The following RBBP8 variants were observed in gnomAD, a reference collection of about 807,000 sequenced individuals.
The protein encoded by RBBP8 is DNA endonuclease RBBP8.
A neutral mutation model predicts 108.3 loss-of-function variants in RBBP8; 88 were observed. That is an observed-to-expected ratio of 0.81 (90% CI 0.68 to 0.97). The LOEUF is 0.97. RBBP8 is among the 50% of genes least tolerant of loss of function. The pLI, the probability that RBBP8 is intolerant of heterozygous loss-of-function variation, is 0.00. For synonymous variants in RBBP8, 332 were observed against 348.2 expected (o/e 0.95, Z 0.52); for missense variants, 1,023 against 1,049.0 (o/e 0.98, Z 0.34).
intron 16 of RBBP8, among the ~76,000 whole-genome samples, chr18:23,006,979 C>G (rs902062933): frequency 4.0e-5 from 6 of 150,818 alleles, no homozygotes; most frequent in Non-Finnish European, 8.9e-5. Flanking sequence ...GTTATTTTCT[C>G]TGCTTTTGTG....
At position 23,022,922 on chromosome 18, in the gene RBBP8, A is replaced by G. The variant is rs115194875; in HGVS notation, c.2596+652A>G. ...TCATCAAAATGATTTTTTTTTTTAT[A>G]GGGCTTCACTCTGTCACCCAGGCTG... is the stretch of plus-strand genomic sequence containing the variant. On this transcript the variant is annotated intron_variant, in intron 18 of 18. Transcript: ENST00000327155. Among the ~76,000 whole-genome samples the G allele has an allele frequency of 6.1e-3, 895 of 146,068 alleles. 10 individuals carry two copies. The highest frequency in any genetic ancestry group is 0.029 in the South Asian group (135 of 4,594).
chr18:22,926,331 G>T (rs999567793), intron 3 of RBBP8, among the ~76,000 whole-genome samples: 1 of 152,194 alleles, frequency 6.6e-6, no homozygotes, highest in Non-Finnish European at 1.5e-5. Flanking sequence ...GCTGAGGCAG[G>T]AGAATCACTT....
At chr18:22,929,233 T>C (rs1828866065), upstream of RBBP8, 1 of 152,212 alleles carries the variant, frequency 6.6e-6, no homozygotes, top group Non-Finnish European at 1.5e-5. Context: ...GGAGTTTGGA[T>C]TTTATTCTAG....
chr18:22,930,637 C>T, upstream of RBBP8, among the ~76,000 whole-genome samples: 1 of 152,234 alleles, frequency 6.6e-6, no homozygotes, highest in East Asian at 1.9e-4. Context: ...TTTGAATGTA[C>T]CCAAAGGTTT....
chr18:22,999,258 G>A lies in RBBP8; in HGVS notation c.2143+1524G>A, dbSNP rs143532870. 1.2e-3 allele frequency among the ~76,000 whole-genome samples: 190 copies of A among 152,292 alleles called. 2 individuals are homozygous for A. The Middle Eastern group carries it at 0.014, about 11-fold the overall frequency. ...ATTTTCTTATCTTCATAGTTCCTGTGGCTCAGGAATTCAGGAAAGGCTTGG... is the reference window on the plus strand; with the variant it reads ...ATTTTCTTATCTTCATAGTTCCTGTAGCTCAGGAATTCAGGAAAGGCTTGG... On this transcript the variant is annotated intron_variant, in intron 14 of 18. Transcript: ENST00000327155.
chr18:22,937,214 C>T (rs879923625), intron 2 of RBBP8: 5 of 536,040 alleles, frequency 9.3e-6, no homozygotes, highest in Non-Finnish European at 1.2e-5. Context: ...CCCCCTGACC[C>T]TCCACCCTCA....
chr18:22,997,420 A>G (rs1367306170), intron 13 of RBBP8, among the ~76,000 whole-genome samples, 200 bp from the exon 14 acceptor site: 1 of 152,200 alleles, frequency 6.6e-6, no homozygotes, highest in Non-Finnish European at 1.5e-5. Flanking sequence ...AGGCTTGATT[A>G]TATTGAAGCT....
At chr18:22,930,339 C>T (rs1378658132), upstream of RBBP8, among the ~76,000 whole-genome samples, 3 of 152,172 alleles carry the variant, frequency 2.0e-5, no homozygotes, top group Non-Finnish European at 2.9e-5. Context: ...TGGATGGAAG[C>T]AGCCTCATCT....
upstream of RBBP8, among the ~76,000 whole-genome samples, chr18:22,929,147 A>G (rs1909901116): frequency 6.6e-6 from 1 of 152,226 alleles, no homozygotes; most frequent in Non-Finnish European, 1.5e-5. Context: ...TGGAAAGGAA[A>G]GCACTAATTC....
chr18:23,001,840 A>T, intron 15 of RBBP8, 111 bp downstream of exon 15: 1 of 1,370,068 alleles, frequency 7.3e-7, no homozygotes, highest in Non-Finnish European at 1.0e-6. Flanking sequence ...GAAGTTTCAT[A>T]TTTCTTGTAT....
intron 16 of RBBP8, among the ~76,000 whole-genome samples, chr18:23,014,715 A>G (rs1254127081): frequency 6.6e-6 from 1 of 152,204 alleles, no homozygotes; most frequent in East Asian, 1.9e-4. Context: ...ACTCCATAGC[A>G]TATTAATCCA....
chr18:22,950,571 C>CA (rs59778562), intron 4 of RBBP8, among the ~76,000 whole-genome samples: 4 of 137,558 alleles, frequency 2.9e-5, no homozygotes, highest in African/African-American at 2.7e-5. Flanking sequence ...ACCGTGTCTC[C>CA]AAAAAAAAAA....
In RBBP8 at chr18:22,964,836, A is replaced by G. The variant is rs938809805; in HGVS notation, c.249-3970A>G. ...AAAGTCTCTTTTTTGTTCTCAGAAT[A>G]TTTCCTTTTATGGCAATCCCATTCT... On this transcript the variant is annotated intron_variant, in intron 4 of 18. Coordinates refer to ENST00000327155, the MANE Select transcript of RBBP8 (RefSeq NM_002894.3). Among the ~76,000 whole-genome samples the G allele has an allele frequency of 3.3e-5, 5 of 152,020 alleles. No homozygotes were observed. The East Asian group carries it at 9.7e-4, about 29-fold the overall frequency.
chr18:22,961,577 G>A (rs1334519466), intron 4 of RBBP8, among the ~76,000 whole-genome samples: 3 of 152,180 alleles, frequency 2.0e-5, no homozygotes, highest in African/African-American at 7.2e-5. Context: ...TCTAACCCAC[G>A]ACCTGCGGGC....
rs187309943 is a variant in RBBP8 at position 22,917,722 on chromosome 18, C to T, written c.-154+696C>T. On this transcript the variant is annotated intron_variant, in intron 3 of 4. Coordinates refer to the RBBP8 transcript ENST00000577588. ...AGGCATTAAGATATAATGTTGGGGCCGGGCGCAGTGGCTCACTCCTGTAAT... is the reference window on the plus strand; with the variant it reads ...AGGCATTAAGATATAATGTTGGGGCTGGGCGCAGTGGCTCACTCCTGTAAT... Among the ~76,000 whole-genome samples, 150 of 152,020 alleles carry T rather than the reference C, an allele frequency of 9.9e-4. 4 individuals are homozygous for T. The South Asian group carries it at 0.029, about 29-fold the overall frequency.
intron 3 of RBBP8, among the ~76,000 whole-genome samples, chr18:22,927,632 T>C (rs1909840466): frequency 6.6e-6 from 1 of 152,146 alleles, no homozygotes; most frequent in Non-Finnish European, 1.5e-5. Flanking sequence ...ATGTAAAAAG[T>C]CTCATTAATT....
chr18:22,932,506 G>A (rs183214694), upstream of RBBP8, among the ~76,000 whole-genome samples: 592 of 152,196 alleles, frequency 3.9e-3, 3 homozygotes, highest in Non-Finnish European at 6.7e-3. Flanking sequence ...GGGACAGGTG[G>A]AAAAATTACC....
At chr18:22,994,767 A>G (rs940694410) in intron 12 of RBBP8, among the ~76,000 whole-genome samples, 4 of 152,004 alleles carry the variant, frequency 2.6e-5, no homozygotes, top group Non-Finnish European at 5.9e-5. Context: ...TCTGTCACCC[A>G]GACTGGAGTG....
At chr18:22,975,614 C>CT (rs1170873805) in intron 6 of RBBP8, among the ~76,000 whole-genome samples, 1 of 151,996 alleles carries the variant, frequency 6.6e-6, no homozygotes, top group Non-Finnish European at 1.5e-5. Context: ...CTTCCTTCCT[C>CT]TGTTTTTCTC....
Sources: allele counts gnomAD v4.1 joint callset (sites outside exome capture counted in the v4.1 genomes callset), GRCh38; gene constraint gnomAD v4.1.1; transcripts MANE v1.5; gene names NCBI Gene and HGNC (gene_info 2026-07-23, HGNC 2026-07-21).